Variants in EVC2 observed in about 807,000 individuals in gnomAD.
EVC2 encodes the protein EvC ciliary complex subunit 2.
EVC2 carries 148 observed loss-of-function variants against 149.3 expected under a neutral mutation model. The observed-to-expected ratio is 0.99, with a 90% CI of 0.87 to 1.14. EVC2 has a LOEUF of 1.14. Among genes scored for constraint, EVC2 ranks in the 50% most tolerant of loss-of-function variants. The pLI is 0.00. For synonymous variants in EVC2, 776 were observed against 649.9 expected (o/e 1.19, Z -2.95); for missense variants, 1,854 against 1,627.3 (o/e 1.14, Z -2.40).
intron 16 of EVC2, among the ~76,000 whole-genome samples, chr4:5,593,030 T>C (rs1049291225): frequency 2.6e-5 from 4 of 152,202 alleles, no homozygotes; most frequent in African/African-American, 9.6e-5. Context: ...TTTTTCTCCC[T>C]CTTTGCTCTG....
At chr4:5,596,880 G>T (rs566610279) in intron 16 of EVC2, among the ~76,000 whole-genome samples, 1 of 152,088 alleles carries the variant, frequency 6.6e-6, no homozygotes, top group South Asian at 2.1e-4. Context: ...TGATAAAGGG[G>T]ATATCACCAC....
Position 5,679,820 on chromosome 4 carries a change from C to T in EVC2, c.870+1440G>A, listed in dbSNP as rs1037651320. 6.8e-6 allele frequency among the ~76,000 whole-genome samples: 1 copy of T among 146,542 alleles called. No individual in the cohort carries two copies. Among genetic ancestry groups the T allele is most frequent in the Non-Finnish European group, 1.5e-5 (1 of 65,824 alleles). Reference sequence around the variant, plus strand: ...TGTTCCCCTCCCTGTGACTTTATTACCTTTGTAATTTTTTTTTTAACATTT... The same window carrying T: ...TGTTCCCCTCCCTGTGACTTTATTATCTTTGTAATTTTTTTTTTAACATTT... On this transcript the variant is annotated intron_variant, in intron 7 of 21. Transcript: ENST00000344408. This position sits in a 1 kb window ranked among gnomAD's most constrained non-coding sequence, Gnocchi z 5.1.
intron 16 of EVC2, among the ~76,000 whole-genome samples, chr4:5,592,977 C>G (rs1350498602): frequency 6.6e-6 from 1 of 152,160 alleles, no homozygotes; most frequent in African/African-American, 2.4e-5. Context: ...ATGCTGTTCT[C>G]CTGAGAGTGA....
rs192304125 is a variant in EVC2 at position 5,547,732 on chromosome 4, C to T, written c.3420-4520G>A. On this transcript the variant is annotated intron_variant and NMD_transcript_variant, in intron 21 of 22. Transcript: ENST00000475313. ...GTCTGCGTGCTTCATTCTTCTTGGA[C>T]GCAGGATAAGAACTTGGGACCTGCG... 2.8e-4 allele frequency among the ~76,000 whole-genome samples: 43 copies of T among 152,270 alleles called. 1 individual carries two copies. The South Asian group carries it at 5.0e-3, about 18-fold the overall frequency.
intron 12 of EVC2, among the ~76,000 whole-genome samples, chr4:5,628,289 A>G (rs1577178539): frequency 1.3e-5 from 2 of 152,042 alleles, no homozygotes; most frequent in East Asian, 3.9e-4. Flanking sequence ...ATCCACCCTC[A>G]TGAATGGATT....
intron 3 of EVC2, among the ~76,000 whole-genome samples, chr4:5,693,102 C>G (rs1203233166): frequency 6.6e-6 from 1 of 152,044 alleles, no homozygotes; most frequent in Non-Finnish European, 1.5e-5. Flanking sequence ...TAGCATCTTG[C>G]AAACAATAAC....
At chr4:5,707,502 G>C (rs533051854) in intron 1 of EVC2, among the ~76,000 whole-genome samples, 1 of 152,190 alleles carries the variant, frequency 6.6e-6, no homozygotes, top group African/African-American at 2.4e-5. Context: ...AAGAGTGCCA[G>C]CATGGGACAG....
intron 16 of EVC2, among the ~76,000 whole-genome samples, chr4:5,608,349 C>T (rs1176040236): frequency 6.6e-6 from 1 of 152,180 alleles, no homozygotes; most frequent in African/African-American, 2.4e-5. Flanking sequence ...GCAGTGTCAG[C>T]AAGATGCAGC....
chr4:5,560,097 C>T (rs551685242), downstream of EVC2, among the ~76,000 whole-genome samples: 12 of 151,710 alleles, frequency 7.9e-5, no homozygotes, highest in South Asian at 2.5e-3. This position sits in a 1 kb window ranked among gnomAD's most constrained non-coding sequence, Gnocchi z 4.1. Context: ...GCAACTAGAT[C>T]GAACTCCTTA....
chr4:5,639,399 T>C (rs1415504961), intron 10 of EVC2, among the ~76,000 whole-genome samples: 3 of 152,244 alleles, frequency 2.0e-5, no homozygotes, highest in Non-Finnish European at 4.4e-5. Flanking sequence ...AGGCAGCAAC[T>C]GACACAACTT....
chr4:5,651,310 G>C (rs1036682621), intron 9 of EVC2, among the ~76,000 whole-genome samples: 1 of 152,136 alleles, frequency 6.6e-6, no homozygotes, highest in African/African-American at 2.4e-5. Flanking sequence ...TGGGTGAATG[G>C]GCAAATTGAT....
intron 4 of EVC2, among the ~76,000 whole-genome samples, chr4:5,690,269 G>A (rs1721026027): frequency 6.6e-6 from 1 of 152,218 alleles, no homozygotes; most frequent in Admixed American, 6.5e-5. Flanking sequence ...GGGTGGCACA[G>A]GAAAGGCTTA....
At chr4:5,654,721 G>A (rs555571992) in intron 9 of EVC2, among the ~76,000 whole-genome samples, 7 of 152,330 alleles carry the variant, frequency 4.6e-5, no homozygotes, top group South Asian at 2.1e-4. Flanking sequence ...GTTAATCCAC[G>A]TCCAGGGGTG....
intron 1 of EVC2, 82 bp from the exon 2 acceptor site, chr4:5,697,729 C>A: frequency 5.5e-6 from 7 of 1,278,724 alleles, no homozygotes; most frequent in Admixed American, 3.6e-5. Context: ...AAATGACTCA[C>A]ATGGAGAGGA....
chr4:5,695,052 T>A (rs903335746), intron 2 of EVC2, among the ~76,000 whole-genome samples: 1 of 151,864 alleles, frequency 6.6e-6, no homozygotes, highest in Non-Finnish European at 1.5e-5. Flanking sequence ...AGCCCTCCAA[T>A]AGGAAATGAC....
At chr4:5,665,759 C>G in intron 7 of EVC2, 110 bp from the exon 8 acceptor site, 2 of 1,510,576 alleles carry the variant, frequency 1.3e-6, no homozygotes, top group Non-Finnish European at 1.8e-6. Flanking sequence ...AGGGGACTCG[C>G]TTGCATTTGA....
intron 1 of EVC2, among the ~76,000 whole-genome samples, chr4:5,699,642 C>CAAAAAAAA (rs773633372): frequency 4.5e-5 from 5 of 111,640 alleles, no homozygotes; most frequent in East Asian, 2.6e-4. Context: ...TCCATCTCTA[C>CAAAAAAAA]AAAAAAAAAA....
intron 16 of EVC2, among the ~76,000 whole-genome samples, chr4:5,597,376 A>T (rs1387602431): frequency 6.6e-6 from 1 of 152,216 alleles, no homozygotes; most frequent in Non-Finnish European, 1.5e-5. Context: ...ACCATGATCA[A>T]GTGGGCTTCA....
At chr4:5,565,746 T>G (rs1353455439) in intron 20 of EVC2, among the ~76,000 whole-genome samples, 9 of 152,096 alleles carry the variant, frequency 5.9e-5, no homozygotes, top group African/African-American at 1.4e-4. Flanking sequence ...CACCTTTGGT[T>G]GCCACTAGGA....
Sources: allele counts gnomAD v4.1 joint callset (sites outside exome capture counted in the v4.1 genomes callset), GRCh38; gene constraint gnomAD v4.1.1; non-coding constraint Gnocchi (gnomAD v3.1); transcripts MANE v1.5; gene names NCBI Gene and HGNC (gene_info 2026-07-23, HGNC 2026-07-21).